The following SRD5A2 variants were observed in gnomAD, a reference collection of about 807,000 sequenced individuals.
The protein encoded by SRD5A2 is steroid 5 alpha-reductase 2.
In SRD5A2, 30 loss-of-function variants were observed where a neutral mutation model predicts 27.4. That is an observed-to-expected ratio of 1.10 (90% CI 0.82 to 1.49). The LOEUF (loss-of-function observed/expected upper bound fraction) is 1.49, where lower values mean the gene tolerates loss of function less well. Among genes scored for constraint, SRD5A2 ranks in the 40% most tolerant of loss-of-function variants. SRD5A2 has a pLI of 0.00. For synonymous variants in SRD5A2, 141 were observed against 133.6 expected, an observed-to-expected ratio of 1.06 and a Z score of -0.38; for missense variants, 348 against 323.4, an observed-to-expected ratio of 1.08 and a Z score of -0.58.
rs185993084 is a variant in SRD5A2 at position 31,542,570 on chromosome 2, A to G, written c.282-8804T>C. ...GGATGAAGTCAAGAAAACAATGTAT[A>G]AAACAAAATGACAATACAAATAAAG... On this transcript the variant is annotated intron_variant, in intron 1 of 4. Transcript: ENST00000622030. Among the ~76,000 whole-genome samples, 201 of 152,330 alleles carry G rather than the reference A, an allele frequency of 1.3e-3. 1 individual carries two copies. Among genetic ancestry groups the G allele is most frequent in the Non-Finnish European group, 2.0e-3 (139 of 68,036 alleles).
At chr2:31,530,360 G>T (rs902031847) in intron 3 of SRD5A2, among the ~76,000 whole-genome samples, 2 of 152,148 alleles carry the variant, frequency 1.3e-5, no homozygotes, top group African/African-American at 2.4e-5. Flanking sequence ...AAGCCCCTTA[G>T]AGTTGAATCT....
At chr2:31,549,365 G>A (rs1666337775) in intron 1 of SRD5A2, among the ~76,000 whole-genome samples, 1 of 151,738 alleles carries the variant, frequency 6.6e-6, no homozygotes, top group South Asian at 2.1e-4. Context: ...ACCCGCCTCG[G>A]CCTTCCAAAG....
At chr2:31,531,588 T>A (rs1665909873) in intron 2 of SRD5A2, 116 bp from the exon 3 acceptor site, 1 of 547,896 alleles carries the variant, frequency 1.8e-6, no homozygotes, top group Non-Finnish European at 3.0e-6. Flanking sequence ...AATCTAAGAA[T>A]GGTCCTAAGA....
At chr2:31,542,295 A>C (rs1666144538) in intron 1 of SRD5A2, among the ~76,000 whole-genome samples, 2 of 152,186 alleles carry the variant, frequency 1.3e-5, no homozygotes, top group Non-Finnish European at 2.9e-5. Context: ...CTACATACCC[A>C]AAAAATAAAA....
intron 1 of SRD5A2, among the ~76,000 whole-genome samples, chr2:31,566,455 G>T (rs1347836177): frequency 6.6e-6 from 1 of 152,076 alleles, no homozygotes; most frequent in Admixed American, 6.5e-5. Flanking sequence ...TAAAGCTCTA[G>T]TCAAAAAGAT....
intron 1 of SRD5A2, among the ~76,000 whole-genome samples, chr2:31,547,416 G>A (rs1666284352): frequency 6.6e-6 from 1 of 152,208 alleles, no homozygotes; most frequent in Non-Finnish European, 1.5e-5. Flanking sequence ...GGGTGTTTCT[G>A]GAAGAGATTG....
chr2:31,567,358 G>A (rs993634185), intron 1 of SRD5A2, among the ~76,000 whole-genome samples: 9 of 151,710 alleles, frequency 5.9e-5, no homozygotes, highest in African/African-American at 2.2e-4. Flanking sequence ...TTTTTCACAG[G>A]CCTACCTAGT....
chr2:31,642,412 C>T, the SRD5A2 span, among the ~76,000 whole-genome samples: 1 of 151,850 alleles, frequency 6.6e-6, no homozygotes, highest in East Asian at 1.9e-4. Context: ...ACAAAAACCC[C>T]ATTAAAATAT....
chr2:31,634,793 T>C, the SRD5A2 span, among the ~76,000 whole-genome samples: 2 of 152,178 alleles, frequency 1.3e-5, no homozygotes, highest in East Asian at 3.9e-4. Flanking sequence ...TATTTGTTTT[T>C]CTTTGTTTGG....
chr2:31,653,171 TC>T, the SRD5A2 span, among the ~76,000 whole-genome samples: 5 of 152,014 alleles, frequency 3.3e-5, no homozygotes, highest in Non-Finnish European at 5.9e-5. Context: ...TCTTCAGAAG[TC>T]CGTCCTAGTT....
the SRD5A2 span, among the ~76,000 whole-genome samples, chr2:31,621,817 A>AT: frequency 6.6e-6 from 1 of 152,016 alleles, no homozygotes; most frequent in African/African-American, 2.4e-5. Context: ...TTAAAAAACT[A>AT]TTTTTTGTAG....
chr2:31,639,772 T>C, the SRD5A2 span, among the ~76,000 whole-genome samples: 4 of 152,164 alleles, frequency 2.6e-5, no homozygotes, highest in Non-Finnish European at 5.9e-5. Context: ...GCTTTTAGAA[T>C]CTTCTCTTTG....
the SRD5A2 span, among the ~76,000 whole-genome samples, chr2:31,600,557 T>C: frequency 6.6e-6 from 1 of 152,030 alleles, no homozygotes; most frequent in Non-Finnish European, 1.5e-5. Flanking sequence ...TATCTCGTTT[T>C]GATTTGCATT....
At position 31,580,873 on chromosome 2, in the gene SRD5A2, C is replaced by T. The variant is rs1667068321; in HGVS notation, c.28G>A (p.Val10Met). ...ACCAAAGTGGCGCTGCCTGCCAGCA[C>T]TGGGCTCTGCTGGCACTGAACCTGC... MQVQCQQSP[V>M]LAGSATLVAL... Residue 10 changes from valine (V) to methionine (M), a missense_variant, in exon 1 of 5, where the codon GTG becomes ATG. Physicochemically the swap from Val to Met is conservative, Grantham distance 21 (BLOSUM62 1). Coordinates refer to ENST00000622030, the MANE Select transcript of SRD5A2 (RefSeq NM_000348.4). 4.3e-6 allele frequency: 7 copies of T among 1,609,456 alleles called. No homozygotes were observed. The highest frequency in any genetic ancestry group is 5.9e-6 in the Non-Finnish European group (7 of 1,178,604).
At chr2:31,626,936 C>A in the SRD5A2 span, among the ~76,000 whole-genome samples, 1 of 152,164 alleles carries the variant, frequency 6.6e-6, no homozygotes, top group Non-Finnish European at 1.5e-5. Context: ...AGGAATGGTA[C>A]TAGCTCCTCT....
chr2:31,654,831 C>T, the SRD5A2 span, among the ~76,000 whole-genome samples: 464 of 152,284 alleles, frequency 3.0e-3, 4 homozygotes, highest in African/African-American at 0.011. Flanking sequence ...TAGAGACATG[C>T]TAAATCCTCT....
intron 2 of SRD5A2, among the ~76,000 whole-genome samples, chr2:31,532,802 G>T (rs1290498704): frequency 6.6e-6 from 1 of 151,810 alleles, no homozygotes; most frequent in Non-Finnish European, 1.5e-5. Flanking sequence ...GATGGTAGGG[G>T]AGCGGGGAGG....
the SRD5A2 span, among the ~76,000 whole-genome samples, chr2:31,621,480 C>A: frequency 2.0e-5 from 3 of 151,946 alleles, no homozygotes; most frequent in African/African-American, 4.8e-5. Context: ...ATGAATATTG[C>A]GCAGTTTGTT....
the SRD5A2 span, among the ~76,000 whole-genome samples, chr2:31,662,949 A>G: frequency 6.6e-6 from 1 of 152,244 alleles, no homozygotes; most frequent in Non-Finnish European, 1.5e-5. Context: ...TTAATGTCAT[A>G]GGGAGGAAAG....
Sources: allele counts gnomAD v4.1 joint callset (sites outside exome capture counted in the v4.1 genomes callset), GRCh38; gene constraint gnomAD v4.1.1; transcripts MANE v1.5; gene names NCBI Gene and HGNC (gene_info 2026-07-23, HGNC 2026-07-21).